C2orf69: variants seen among roughly 807,000 people sequenced by gnomAD.
C2orf69 encodes chromosome 2 open reading frame 69, also known as mitochondrial protein C2orf69.
Under a neutral mutation model 29.5 loss-of-function variants are expected in C2orf69, and 19 were observed. The observed-to-expected ratio is 0.65, with a 90% CI of 0.45 to 0.95. The LOEUF (loss-of-function observed/expected upper bound fraction) is 0.95. Ranked by LOEUF, C2orf69 falls within the 40% of genes least tolerant of loss-of-function variation. The pLI is 0.00. For synonymous variants in C2orf69, 194 were observed against 180.0 expected (o/e 1.08, Z -0.62); for missense variants, 416 against 482.1 (o/e 0.86, Z 1.28).
At chr2:199,919,874 A>G (rs1170432706) in intron 1 of C2orf69, among the ~76,000 whole-genome samples, 1 of 152,266 alleles carries the variant, frequency 6.6e-6, no homozygotes, top group Non-Finnish European at 1.5e-5. Flanking sequence ...GTTTGAATCT[A>G]TCATTTGTCT....
rs1368624777 is a variant in C2orf69 at position 199,926,168 on chromosome 2, C to A, written c.*282C>A. ...TATAAGACCCTTAAAATGAAAGTTA[C>A]AACATTGTTCTTATAAAAGGTAACT... On this transcript the variant is annotated 3_prime_UTR_variant, in exon 2 of 2. Transcript: ENST00000319974. 17 of 284,904 alleles carry A rather than the reference C, an allele frequency of 6.0e-5. No homozygotes were observed. In the East Asian group the frequency reaches 9.9e-4, roughly 17 times the overall value. 17.6% of individuals were successfully genotyped at this position (284,904 alleles called of 1,614,324 possible).
Position 199,927,821 on chromosome 2 carries a change from T to C in C2orf69, c.*1935T>C, listed in dbSNP as rs2077341609. ...TTCTATAAGGGGAAGAAAAAGCATT[T>C]ATTTTCACATGATTAACTGAAATGG... On this transcript the variant is annotated 3_prime_UTR_variant, in exon 2 of 2. Coordinates refer to ENST00000319974, the MANE Select transcript of C2orf69 (RefSeq NM_153689.6). 1 of 152,152 alleles carries C rather than the reference T, an allele frequency of 6.6e-6. No individual in the cohort carries two copies. The allele number at this position is 152,152 out of a possible 1,614,324, so 9.4% of individuals were successfully genotyped here.
In C2orf69 at chr2:199,911,630, T is replaced by G. The variant is rs62178345; in HGVS notation, c.192T>G (p.Asp64Glu). 238,474 of 1,549,262 alleles carry G rather than the reference T, an allele frequency of 0.15. 20,029 individuals carry two copies. The highest frequency in any genetic ancestry group is 0.22 in the Middle Eastern group (1,323 of 5,914). Residue 64 changes from aspartate to glutamate, a missense_variant, in exon 1 of 2, where the codon GAT becomes GAG. Physicochemically the swap from Asp to Glu is conservative, Grantham distance 45. This residue lies in a region of C2orf69 where 175 missense variants were observed against 139.9 expected (regional missense o/e 1.25). Coordinates refer to ENST00000319974, the MANE Select transcript of C2orf69 (RefSeq NM_153689.6). ...AGCTTTCCACCGTGCCTGGAGCCGATCCGCAGCGCAGCAACGAATTGCTCC... is the reference window on the plus strand; with the variant it reads ...AGCTTTCCACCGTGCCTGGAGCCGAGCCGCAGCGCAGCAACGAATTGCTCC... ...CLQLSTVPGA[D>E]PQRSNELLLL...
chr2:199,920,842 G>A (rs2077312634), intron 1 of C2orf69, among the ~76,000 whole-genome samples: 1 of 149,314 alleles, frequency 6.7e-6, no homozygotes, highest in Non-Finnish European at 1.5e-5. Flanking sequence ...TGTAGTCCCA[G>A]CTACTCGGGA....
chr2:199,915,758 C>A (rs2077290558), intron 1 of C2orf69, among the ~76,000 whole-genome samples: 1 of 152,032 alleles, frequency 6.6e-6, no homozygotes, highest in South Asian at 2.1e-4. Flanking sequence ...CTCAGGTGAT[C>A]CTCCCACCTC....
rs1365299987 is a variant in C2orf69, at chr2:199,926,011, A to G, written c.*125A>G. The G allele has an allele frequency of 4.7e-6, 3 of 634,254 alleles. No individual in the cohort carries two copies. Among genetic ancestry groups the G allele is most frequent in the African/African-American group, 3.7e-5 (2 of 54,502 alleles). 39.3% of individuals were successfully genotyped at this position (634,254 alleles called of 1,614,324 possible). A position where few individuals can be genotyped will look rare whatever the true frequency, so the allele number is the denominator to read the frequency against. ...AGTTTTGGGGTATGGGGGGAAGCAC[A>G]CATTCCTAAAATGTGAGTGTAATGT... On this transcript the variant is annotated 3_prime_UTR_variant, in exon 2 of 2. Transcript: ENST00000319974.
At chr2:199,917,681 A>G (rs2077298703) in intron 1 of C2orf69, among the ~76,000 whole-genome samples, 1 of 152,218 alleles carries the variant, frequency 6.6e-6, no homozygotes, top group Non-Finnish European at 1.5e-5. Flanking sequence ...ACAAGTCTCT[A>G]GGAAGTTCCA....
chr2:199,918,170 A>G (rs1574781008), intron 1 of C2orf69, among the ~76,000 whole-genome samples: 1 of 152,190 alleles, frequency 6.6e-6, no homozygotes, highest in Admixed American at 6.5e-5. Context: ...TTTGGTGGGG[A>G]CACAACCAAA....
chr2:199,916,213 C>T lies in C2orf69; in HGVS notation c.333+4442C>T, dbSNP rs149678934. 6.1e-3 allele frequency among the ~76,000 whole-genome samples: 930 copies of T among 152,178 alleles called. 6 individuals are homozygous for T. Among genetic ancestry groups the T allele is most frequent in the African/African-American group, 0.021 (883 of 41,508 alleles). On this transcript the variant is annotated intron_variant, in intron 1 of 1. Transcript: ENST00000319974. ...GAATGAGACCGAAGGTGGGGAGGCC[C>T]CTTGTAAAACCATCTCATGAGAACT... is the stretch of plus-strand genomic sequence containing the variant.
At chr2:199,922,030 T>TA (rs1318086995) in intron 1 of C2orf69, among the ~76,000 whole-genome samples, 1,854 of 112,466 alleles carry the variant, frequency 0.016, 21 homozygotes, top group East Asian at 0.029. Flanking sequence ...CACTGTTATT[T>TA]TTATATATAT....
chr2:199,923,024 T>C (rs1002932692), intron 1 of C2orf69, among the ~76,000 whole-genome samples: 4 of 152,202 alleles, frequency 2.6e-5, no homozygotes, highest in African/African-American at 9.7e-5. Flanking sequence ...CACACTGACC[T>C]CATTGCTGTG....
chr2:199,914,405 T>C (rs1348061803), intron 1 of C2orf69, among the ~76,000 whole-genome samples: 2 of 152,210 alleles, frequency 1.3e-5, no homozygotes, highest in African/African-American at 2.4e-5. Flanking sequence ...TTGCTCAAGA[T>C]AGAAATCTTG....
chr2:199,922,031 T>TTATATATATATCTATATATA (rs2077318310), intron 1 of C2orf69, among the ~76,000 whole-genome samples: 1 of 78,984 alleles, frequency 1.3e-5, no homozygotes, highest in African/African-American at 5.3e-5. Flanking sequence ...ACTGTTATTT[T>TTATATATATATCTATATATA]TATATATATA....
chr2:199,916,412 T>G (rs1457348047), intron 1 of C2orf69, among the ~76,000 whole-genome samples: 1 of 152,126 alleles, frequency 6.6e-6, no homozygotes, highest in Admixed American at 6.5e-5. Context: ...AAATTTCATG[T>G]CCTTACATTT....
rs1415627664 is a variant in C2orf69 at position 199,927,889 on chromosome 2, T to A, written c.*2003T>A. 6.6e-6 allele frequency: 1 copy of A among 152,150 alleles called. No individual in the cohort carries two copies. The highest frequency in any genetic ancestry group is 1.5e-5 in the Non-Finnish European group (1 of 67,970). 9.4% of individuals were successfully genotyped at this position (152,150 alleles called of 1,614,324 possible). ...CAGAATAATTCATTTAAAAATAATT[T>A]TAAAAAATCAGACATATTTAAAAAT... On this transcript the variant is annotated 3_prime_UTR_variant, in exon 2 of 2. Coordinates refer to ENST00000319974, the MANE Select transcript of C2orf69 (RefSeq NM_153689.6).
intron 1 of C2orf69, among the ~76,000 whole-genome samples, chr2:199,917,560 C>G (rs1455753650): frequency 6.6e-6 from 1 of 152,180 alleles, no homozygotes; most frequent in Non-Finnish European, 1.5e-5. Context: ...TAAACCATAA[C>G]AAGAGTGACC....
chr2:199,917,748 CCTGTTACCCAGCTCCA>C (rs1196275958), intron 1 of C2orf69, among the ~76,000 whole-genome samples: 10 of 152,210 alleles, frequency 6.6e-5, no homozygotes, highest in African/African-American at 2.4e-4. Flanking sequence ...CCAACCTCTG[CCTGTTACCCAGCTCCA>C]AAGTTGCTTC....
In C2orf69 at chr2:199,920,573, C is replaced by T. The variant is rs77530330; in HGVS notation, c.334-4489C>T. The stretch of plus-strand genomic sequence containing the variant: ...ATAAAAAGGATTTAGATGAGCCCTT[C>T]GAGATGTAAGTGCCTATGATTTCAT... On this transcript the variant is annotated intron_variant, in intron 1 of 1. Coordinates refer to ENST00000319974, the MANE Select transcript of C2orf69 (RefSeq NM_153689.6). Among the ~76,000 whole-genome samples the T allele has an allele frequency of 4.3e-4, 65 of 152,074 alleles. No individual in the cohort carries two copies. In the East Asian group the frequency reaches 0.012, roughly 27 times the overall value.
At chr2:199,912,663 C>T (rs1430112224) in intron 1 of C2orf69, among the ~76,000 whole-genome samples, 1 of 152,056 alleles carries the variant, frequency 6.6e-6, no homozygotes, top group Non-Finnish European at 1.5e-5. Context: ...TTTTTTGAGA[C>T]GGAGTCTTGC....
Sources: gnomAD v4.1 joint callset for allele counts (sites outside exome capture counted in the v4.1 genomes callset) on GRCh38, gnomAD v4.1.1 for gene constraint, gnomAD v4.1.1 regional missense constraint, MANE v1.5 for transcripts, NCBI Gene and HGNC (gene_info 2026-07-23, HGNC 2026-07-21) for gene names.